The following SECISBP2 variants were observed in gnomAD, a reference collection of about 807,000 sequenced individuals.
The protein encoded by SECISBP2 is SECIS binding protein 2.
A neutral mutation model predicts 98.2 loss-of-function variants in SECISBP2; 96 were observed. The ratio of observed to expected loss-of-function variants is 0.98; its 90% CI spans 0.83 to 1.16. The LOEUF (loss-of-function observed/expected upper bound fraction) is 1.16, where lower values mean the gene tolerates loss of function less well. SECISBP2 is among the 50% of genes most tolerant of loss of function. The probability of loss-of-function intolerance (pLI) is 0.00; values close to 1 mark genes in which losing one functional copy is unlikely to be tolerated. For missense variants in SECISBP2, 1,046 were observed against 1,022.9 expected (o/e 1.02, Z -0.31); for synonymous variants, 407 against 370.2 (o/e 1.10, Z -1.14).
At chr9:89,338,669 A>G in intron 8 of SECISBP2, 89 bp downstream of exon 8, 1 of 1,345,982 alleles carries the variant, frequency 7.4e-7, no homozygotes, top group Non-Finnish European at 1.0e-6. Flanking sequence ...TTCCTAAGTG[A>G]AAATCTCCAG....
chr9:89,350,674 T>TA lies in SECISBP2; in HGVS notation c.1936dup (p.Thr646AsnfsTer25). On this transcript the variant is annotated frameshift_variant, in exon 14 of 17. Transcript: ENST00000375807. LOFTEE classifies it high-confidence loss of function. ...TTAGTAAAGAAGTGGATGCTTGTGT[T>TA]ACCGACCTACTCAAAGAACTGGTCC... 6.2e-7 allele frequency: 1 copy of TA among 1,614,206 alleles called. No homozygotes were observed. The highest frequency in any genetic ancestry group is 8.5e-7 in the Non-Finnish European group (1 of 1,180,010).
At chr9:89,328,554 T>C in intron 4 of SECISBP2, 106 bp from the exon 5 acceptor site, 2 of 817,316 alleles carry the variant, frequency 2.4e-6, no homozygotes, top group South Asian at 2.9e-5. Flanking sequence ...GACAACAACC[T>C]GTTGCATCAA....
chr9:89,327,166 A>C (rs76872941), intron 4 of SECISBP2, among the ~76,000 whole-genome samples: 1 of 142,790 alleles, frequency 7.0e-6, no homozygotes, highest in African/African-American at 2.7e-5. Flanking sequence ...TCCGTCTCCA[A>C]AAAAAAAAAA....
Position 89,328,650 on chromosome 9 carries a change from G to A in SECISBP2, c.575-10G>A, listed in dbSNP as rs1485100412. On this transcript the variant is annotated splice_polypyrimidine_tract_variant and intron_variant, in intron 4 of 16. Transcript: ENST00000375807. Reference sequence around the variant, plus strand: ...AATTTTTACTCTTACTTTTAATTTTGTAATTACAGATGGTTACCATAAGCG... The same window carrying A: ...AATTTTTACTCTTACTTTTAATTTTATAATTACAGATGGTTACCATAAGCG... The A allele has an allele frequency of 6.2e-7, 1 of 1,609,714 alleles. No individual in the cohort carries two copies. The highest frequency in any genetic ancestry group is 1.1e-5 in the South Asian group (1 of 90,978).
intron 9 of SECISBP2, among the ~76,000 whole-genome samples, chr9:89,340,291 A>G (rs1453808998): frequency 6.6e-6 from 1 of 152,118 alleles, no homozygotes; most frequent in Non-Finnish European, 1.5e-5. Context: ...AAACGGAAGA[A>G]TTTTTTTGCA....
At chr9:89,364,502 G>A, downstream of SECISBP2, 1 of 186,982 alleles carries the variant, frequency 5.3e-6, no homozygotes, top group East Asian at 1.2e-4. Flanking sequence ...AGGCTGGAGA[G>A]CTCAGACCCT....
chr9:89,349,998 A>G, intron 13 of SECISBP2, 69 bp downstream of exon 13: 1 of 1,566,032 alleles, frequency 6.4e-7, no homozygotes. Context: ...TGGCATTGAT[A>G]TCTCCCATAA....
chr9:89,339,713 A>G, intron 8 of SECISBP2, 151 bp from the exon 9 acceptor site: 1 of 644,694 alleles, frequency 1.6e-6, no homozygotes, highest in South Asian at 1.7e-5. Flanking sequence ...AGTTAAATAA[A>G]GCAGAAGCTC....
At chr9:89,333,906 G>T in intron 6 of SECISBP2, 1 of 371,264 alleles carries the variant, frequency 2.7e-6, no homozygotes, top group Non-Finnish European at 3.8e-6. Context: ...CTGCTCTGAG[G>T]ATGTGTAGTT....
chr9:89,334,710 A>AT lies in SECISBP2; in HGVS notation c.1071dup (p.Ile358TyrfsTer8). ...TCCTTCCTACAACAAAGAAAAACAC[A>AT]TTATTCATCCTACCCAAAAGGTACG... On this transcript the variant is annotated frameshift_variant, in exon 7 of 17. Coordinates refer to ENST00000375807, the MANE Select transcript of SECISBP2 (RefSeq NM_024077.5). LOFTEE classifies it high-confidence loss of function. The AT allele has an allele frequency of 6.2e-7, 1 of 1,613,398 alleles. No individual in the cohort carries two copies. The highest frequency in any genetic ancestry group is 8.5e-7 in the Non-Finnish European group (1 of 1,179,780).
Position 89,359,017 on chromosome 9 carries a change from G to A in SECISBP2, c.*193G>A. 1 of 599,512 alleles carries A rather than the reference G, an allele frequency of 1.7e-6. No homozygotes were observed. 37.1% of individuals were successfully genotyped at this position (599,512 alleles called of 1,614,324 possible). A position where few individuals can be genotyped will look rare whatever the true frequency, so the allele number is the denominator to read the frequency against. On this transcript the variant is annotated 3_prime_UTR_variant, in exon 17 of 17. Transcript: ENST00000375807. ...TGCGGAGCCTGTTAAAGGTCACTCA[G>A]ATGTGCAGGTGTTAATCTTCTCTAA...
At chr9:89,340,151 A>G (rs913395102) in intron 9 of SECISBP2, among the ~76,000 whole-genome samples, 198 bp downstream of exon 9, 2 of 152,192 alleles carry the variant, frequency 1.3e-5, no homozygotes, top group Non-Finnish European at 2.9e-5. Context: ...TTATTTGATA[A>G]TAAGACTTAT....
downstream of SECISBP2, chr9:89,362,382 CAG>C: frequency 1.2e-6 from 2 of 1,614,074 alleles, no homozygotes; most frequent in Non-Finnish European, 1.7e-6. Context: ...AGGTCGGTGT[CAG>C]GGACTCCTTC....
chr9:89,331,758 T>C (rs1390470905), intron 5 of SECISBP2, among the ~76,000 whole-genome samples: 1 of 152,244 alleles, frequency 6.6e-6, no homozygotes, highest in Non-Finnish European at 1.5e-5. Context: ...CATGGGATCA[T>C]TGCAGCTTTA....
At chr9:89,350,176 G>A (rs920926134) in intron 13 of SECISBP2, among the ~76,000 whole-genome samples, 6 of 152,140 alleles carry the variant, frequency 3.9e-5, no homozygotes, top group South Asian at 2.1e-4. Flanking sequence ...GTTTGCAGTC[G>A]GGAGTGGATA....
Position 89,318,755 on chromosome 9 carries a change from C to G in SECISBP2, c.36+143C>G, listed in dbSNP as rs978860502. 4.9e-6 allele frequency: 6 copies of G among 1,223,798 alleles called. No homozygotes were observed. The East Asian group carries it at 1.9e-4, about 39-fold the overall frequency. The allele number at this position is 1,223,798 out of a possible 1,614,324, so 75.8% of individuals were successfully genotyped here. A position where few individuals can be genotyped will look rare whatever the true frequency, so the allele number is the denominator to read the frequency against. On this transcript the variant is annotated intron_variant, in intron 1 of 16. Transcript: ENST00000375807. ...GCACGGGAGCGCCCTACCGGGTGGC[C>G]GCGATCTTCGCGCCCCGCCTCGGGT...
chr9:89,362,174 C>T (rs2132158583), downstream of SECISBP2: 2 of 631,216 alleles, frequency 3.2e-6, no homozygotes, highest in Non-Finnish European at 5.6e-6. Flanking sequence ...CAGGTAAGCA[C>T]CTAATTTTTT....
At chr9:89,326,819 T>C (rs1826784654) in intron 4 of SECISBP2, among the ~76,000 whole-genome samples, 1 of 152,188 alleles carries the variant, frequency 6.6e-6, no homozygotes, top group Admixed American at 6.5e-5. Flanking sequence ...ACCATATTAT[T>C]GTACTGAATA....
chr9:89,364,424 T>C (rs1184775969), downstream of SECISBP2: 1 of 234,274 alleles, frequency 4.3e-6, no homozygotes, highest in East Asian at 9.3e-5. Flanking sequence ...TGGGCCAGAG[T>C]GGGGACCATG....
Sources: allele counts gnomAD v4.1 joint callset (sites outside exome capture counted in the v4.1 genomes callset), GRCh38; gene constraint gnomAD v4.1.1; transcripts MANE v1.5; gene names NCBI Gene and HGNC (gene_info 2026-07-23, HGNC 2026-07-21).